The following GAS7 variants were observed in gnomAD, a reference collection of about 807,000 sequenced individuals.
GAS7 encodes the protein growth arrest-specific protein 7.
Under a neutral mutation model 71.1 loss-of-function variants are expected in GAS7, and 28 were observed. The ratio of observed to expected loss-of-function variants is 0.39; its 90% CI spans 0.29 to 0.54. GAS7 has a LOEUF of 0.54. Among genes scored for constraint, GAS7 ranks in the 20% least tolerant of loss-of-function variants. The pLI is 0.62. For missense variants in GAS7, 436 were observed against 627.8 expected (o/e 0.69, Z 3.27); for synonymous variants, 258 against 245.8 (o/e 1.05, Z -0.46).
At chr17:9,967,766 G>A (rs777143728) in intron 4 of GAS7, among the ~76,000 whole-genome samples, 7 of 152,170 alleles carry the variant, frequency 4.6e-5, no homozygotes, top group Admixed American at 6.5e-5. Flanking sequence ...CAGTTAGGCT[G>A]GGTCTAGTGT....
intron 1 of GAS7, among the ~76,000 whole-genome samples, chr17:10,100,812 G>A (rs931442854): frequency 9.9e-5 from 15 of 152,144 alleles, no homozygotes; most frequent in African/African-American, 3.1e-4. Flanking sequence ...ATTCCAAAGC[G>A]GGATAAAAAG....
intron 1 of GAS7, among the ~76,000 whole-genome samples, chr17:10,041,653 C>A (rs1302851927): frequency 1.3e-5 from 2 of 152,216 alleles, no homozygotes; most frequent in East Asian, 3.8e-4. Flanking sequence ...TTCATCCTAG[C>A]ATCTCAATCC....
In GAS7 at chr17:10,019,859, G is replaced by A; in HGVS notation, c.222C>T (p.Ser74=). The A allele has an allele frequency of 6.2e-7, 1 of 1,613,798 alleles. No individual in the cohort carries two copies. Among genetic ancestry groups the A allele is most frequent in the East Asian group, 2.2e-5 (1 of 44,872 alleles). ...AGCCAGGTGGAAGGATGACCGTCTG[G>A]CTTTCTTCTCCCGGCGGAGGGGGGA... ...GMVPPPPGEE[S]QTVILPPGWQ... is the part of the protein sequence containing the mutation. Residue 74 remains serine, a synonymous_variant, in exon 2 of 14, where the codon AGC becomes AGT. Coordinates refer to ENST00000432992, the MANE Select transcript of GAS7 (RefSeq NM_201433.2).
In GAS7 at chr17:9,914,649, G is replaced by A. The variant is rs2067533150; in HGVS notation, c.*2579C>T. 3 of 216,056 alleles carry A rather than the reference G, an allele frequency of 1.4e-5. No individual in the cohort carries two copies. The highest frequency in any genetic ancestry group is 2.8e-5 in the Non-Finnish European group (3 of 107,296). The allele number at this position is 216,056 out of a possible 1,614,324, so 13.4% of individuals were successfully genotyped here. A position where few individuals can be genotyped will look rare whatever the true frequency, so the allele number is the denominator to read the frequency against. On this transcript the variant is annotated 3_prime_UTR_variant, in exon 14 of 14. Transcript: ENST00000432992. ...GTTGCTGTCTACCTTCCATCCAACA[G>A]GTAAATGCCTCACGACGGTGGTTTA...
intron 6 of GAS7, among the ~76,000 whole-genome samples, chr17:9,944,555 G>A (rs940006084): frequency 6.6e-6 from 1 of 152,176 alleles, no homozygotes; most frequent in African/African-American, 2.4e-5. Context: ...GATGCCTGCA[G>A]GGAACCCCAT....
intron 5 of GAS7, among the ~76,000 whole-genome samples, chr17:9,952,629 G>A (rs2069068292): frequency 1.3e-5 from 2 of 152,164 alleles, no homozygotes; most frequent in South Asian, 4.1e-4. Flanking sequence ...TGACCTTCAG[G>A]TGATCCACCC....
chr17:10,044,235 G>T (rs944134558), intron 1 of GAS7, among the ~76,000 whole-genome samples: 5 of 152,236 alleles, frequency 3.3e-5, no homozygotes, highest in African/African-American at 1.2e-4. Flanking sequence ...ACATAGAACA[G>T]TGAGGGCTTA....
intron 4 of GAS7, among the ~76,000 whole-genome samples, chr17:9,962,748 G>A (rs1033258033): frequency 6.6e-5 from 10 of 152,174 alleles, no homozygotes; most frequent in African/African-American, 2.4e-4. Flanking sequence ...TCTTACACTG[G>A]CACCTCACAG....
At chr17:10,100,566 A>G (rs16959313) in intron 1 of GAS7, among the ~76,000 whole-genome samples, 4,289 of 152,088 alleles carry the variant, frequency 0.028, 193 homozygotes, top group African/African-American at 0.097. Flanking sequence ...GTAGACATCC[A>G]TTCTCCTCCC....
At chr17:9,970,525 G>A (rs528115857) in intron 3 of GAS7, among the ~76,000 whole-genome samples, 12 of 152,122 alleles carry the variant, frequency 7.9e-5, no homozygotes, top group South Asian at 2.1e-4. Flanking sequence ...CCAGCTACTC[G>A]GGAGGCTGAG....
At chr17:10,093,125 A>G (rs1466755575) in intron 1 of GAS7, among the ~76,000 whole-genome samples, 1 of 152,186 alleles carries the variant, frequency 6.6e-6, no homozygotes, top group East Asian at 1.9e-4. Context: ...GGTTTTAGGA[A>G]AGGGTTCGGG....
At chr17:10,062,287 C>T (rs2073228167) in intron 1 of GAS7, among the ~76,000 whole-genome samples, 1 of 152,212 alleles carries the variant, frequency 6.6e-6, no homozygotes, top group Non-Finnish European at 1.5e-5. Context: ...GAGTTCAAGA[C>T]CAGCCTGGCC....
intron 1 of GAS7, among the ~76,000 whole-genome samples, chr17:10,195,182 T>G (rs2074531913): frequency 6.6e-6 from 1 of 152,156 alleles, no homozygotes; most frequent in African/African-American, 2.4e-5. Flanking sequence ...CTTGGAGTCT[T>G]GACCAAAGAG....
intron 1 of GAS7, among the ~76,000 whole-genome samples, chr17:10,147,371 G>C (rs984857034): frequency 6.6e-6 from 1 of 152,254 alleles, no homozygotes; most frequent in East Asian, 1.9e-4. Context: ...TAATCACAGC[G>C]AAGTATAATA....
rs941865974 is a variant in GAS7 at position 10,186,506 on chromosome 17, G to A, written c.183+11702C>T. On this transcript the variant is annotated intron_variant, in intron 1 of 13. Coordinates refer to ENST00000432992, the MANE Select transcript of GAS7 (RefSeq NM_201433.2). ...GTAACCTCCACCTCCTGGGTTCAAC[G>A]AATTCTCCTCCCTCAGCCTCCTGAG... Among the ~76,000 whole-genome samples the A allele has an allele frequency of 5.4e-5, 8 of 149,184 alleles. No homozygotes were observed. In the East Asian group the frequency reaches 1.0e-3, roughly 19 times the overall value.
Position 10,034,218 on chromosome 17 carries a change from A to G in GAS7, c.184-14321T>C. ...AGCAACCTCTTCCATCTCTGCTGGG[A>G]GGCCTCAATTGCTTCATCTCTAAAA... On this transcript the variant is annotated intron_variant, in intron 1 of 13. Coordinates refer to ENST00000432992, the MANE Select transcript of GAS7 (RefSeq NM_201433.2). This position sits in a 1 kb window ranked among gnomAD's most constrained non-coding sequence, Gnocchi z 4.4. The G allele has an allele frequency of 2.0e-6, 2 of 985,102 alleles. No homozygotes were observed. The highest frequency in any genetic ancestry group is 2.4e-6 in the Non-Finnish European group (2 of 829,688). 61.0% of individuals were successfully genotyped at this position (985,102 alleles called of 1,614,324 possible). A position where few individuals can be genotyped will look rare whatever the true frequency, so the allele number is the denominator to read the frequency against.
At chr17:9,930,011 G>A (rs61642333) in intron 9 of GAS7, among the ~76,000 whole-genome samples, 5,693 of 152,234 alleles carry the variant, frequency 0.037, 282 homozygotes, top group African/African-American at 0.092. Context: ...AATAAGAGAA[G>A]TTCCAAGTTG....
chr17:10,126,670 G>C (rs1305986301), intron 1 of GAS7, among the ~76,000 whole-genome samples: 1 of 152,124 alleles, frequency 6.6e-6, no homozygotes, highest in African/African-American at 2.4e-5. Context: ...TCTTCCTCCT[G>C]CTCCTGAGAA....
Position 9,913,854 on chromosome 17 carries a change from C to T in GAS7, c.*3374G>A, listed in dbSNP as rs559981420. The T allele has an allele frequency of 4.3e-6, 1 of 231,382 alleles. No homozygotes were observed. The highest frequency in any genetic ancestry group is 2.2e-5 in the African/African-American group (1 of 45,254). 14.3% of individuals were successfully genotyped at this position (231,382 alleles called of 1,614,324 possible). A position where few individuals can be genotyped will look rare whatever the true frequency, so the allele number is the denominator to read the frequency against. ...AGGAATTTTTTTTTTCTTTTTAAAT[C>T]AGGCTTTCACAAACAGATCTTGTGC... is the stretch of plus-strand genomic sequence containing the variant. On this transcript the variant is annotated 3_prime_UTR_variant, in exon 14 of 14. Coordinates refer to ENST00000432992, the MANE Select transcript of GAS7 (RefSeq NM_201433.2).
Sources: gnomAD v4.1 joint callset for allele counts (sites outside exome capture counted in the v4.1 genomes callset) on GRCh38, gnomAD v4.1.1 for gene constraint, Gnocchi (gnomAD v3.1) non-coding constraint, MANE v1.5 for transcripts, NCBI Gene and HGNC (gene_info 2026-07-23, HGNC 2026-07-21) for gene names.